TACC2: variants seen among roughly 807,000 people sequenced by gnomAD.
TACC2 encodes the protein transforming acidic coiled-coil-containing protein 2.
A neutral mutation model predicts 227.3 loss-of-function variants in TACC2; 137 were observed. That is an observed-to-expected ratio of 0.60 (90% CI 0.52 to 0.69). The LOEUF is 0.69. Ranked by LOEUF, TACC2 falls within the 30% of genes least tolerant of loss-of-function variation. The pLI, the probability that TACC2 is intolerant of heterozygous loss-of-function variation, is 0.00. For synonymous variants in TACC2, 1,523 were observed against 1,487.5 expected (o/e 1.02, Z -0.55); for missense variants, 3,470 against 3,694.4 (o/e 0.94, Z 1.57).
chr10:122,252,022 C>T (rs1320755021), intron 22 of TACC2, among the ~76,000 whole-genome samples: 7 of 152,192 alleles, frequency 4.6e-5, no homozygotes, highest in South Asian at 2.1e-4. Context: ...GCCCAATCAG[C>T]GCTCTGTAAA....
Position 122,022,028 on chromosome 10 carries a change from A to T in TACC2, c.33+14A>T. 6.2e-7 allele frequency: 1 copy of T among 1,614,086 alleles called. No homozygotes were observed. Among genetic ancestry groups the T allele is most frequent in the Non-Finnish European group, 8.5e-7 (1 of 1,179,968 alleles). Reference sequence around the variant, plus strand: ...TCGGACAACCAGGTGGGTGTCAGGAAGCTTCTCTCTCGAGCTACGTGGTGC... The same window carrying T: ...TCGGACAACCAGGTGGGTGTCAGGATGCTTCTCTCTCGAGCTACGTGGTGC... On this transcript the variant is annotated intron_variant, in intron 2 of 22. Transcript: ENST00000369005.
chr10:122,249,413 C>T, intron 21 of TACC2, 131 bp from the exon 22 acceptor site: 2 of 1,315,696 alleles, frequency 1.5e-6, no homozygotes, highest in East Asian at 2.4e-5. Flanking sequence ...CTCATGGGCT[C>T]CTGTGCTCCA....
rs1241838025 is a variant in TACC2 at position 122,087,300 on chromosome 10, C to T, written c.4800C>T (p.His1600=). 3 of 1,613,824 alleles carry T rather than the reference C, an allele frequency of 1.9e-6. No individual in the cohort carries two copies. Among genetic ancestry groups the T allele is most frequent in the South Asian group, 2.2e-5 (2 of 91,084 alleles). The part of the protein sequence containing the change: ...AQDRIPSGKQ[H]QETSACDSPH... ...ACAGAATTCCTTCTGGAAAGCAGCACCAGGAAACATCTGCCTGCGACAGTC... is the reference window on the plus strand; with the variant it reads ...ACAGAATTCCTTCTGGAAAGCAGCATCAGGAAACATCTGCCTGCGACAGTC... Residue 1600 remains histidine, a synonymous_variant, in exon 4 of 23, where the codon CAC becomes CAT. Coordinates refer to ENST00000369005, the MANE Select transcript of TACC2 (RefSeq NM_206862.4).
In TACC2 at chr10:122,211,145, G is replaced by A. The variant is rs776030064; in HGVS notation, c.6720G>A (p.Pro2240=). 1.6e-5 allele frequency: 26 copies of A among 1,609,374 alleles called. No homozygotes were observed. Among genetic ancestry groups the A allele is most frequent in the South Asian group, 7.8e-5 (7 of 90,298 alleles). Residue 2240 remains proline, a synonymous_variant, in exon 9 of 23, where the codon CCG becomes CCA. Transcript: ENST00000369005. ...AAACGCTGCCTCTTACCACGGCCCCGGAGGCAGGGGAGGTAACCCCATCGG... is the reference window on the plus strand; with the variant it reads ...AAACGCTGCCTCTTACCACGGCCCCAGAGGCAGGGGAGGTAACCCCATCGG... The part of the protein sequence containing the change: ...GRKTLPLTTA[P]EAGEVTPSDS...
intron 7 of TACC2, among the ~76,000 whole-genome samples, chr10:122,148,164 C>T (rs529598068): frequency 5.6e-5 from 8 of 143,058 alleles, no homozygotes; most frequent in South Asian, 2.2e-4. Context: ...AGTGCAATGG[C>T]GTGATCTCTT....
intron 19 of TACC2, among the ~76,000 whole-genome samples, chr10:122,244,388 C>T (rs896820473): frequency 1.3e-5 from 2 of 152,176 alleles, no homozygotes; most frequent in Non-Finnish European, 2.9e-5. Context: ...ACCCATTGAC[C>T]GTCCTCTGTC....
chr10:122,173,970 T>TGAGCC (rs1252462824), intron 7 of TACC2, among the ~76,000 whole-genome samples: 2 of 152,308 alleles, frequency 1.3e-5, no homozygotes, highest in East Asian at 1.9e-4. Context: ...TGGGCTGGGC[T>TGAGCC]GAGCCAAGCC....
chr10:122,092,286 G>T (rs1238217434), intron 5 of TACC2, among the ~76,000 whole-genome samples: 2 of 152,172 alleles, frequency 1.3e-5, no homozygotes, highest in African/African-American at 4.8e-5. Context: ...TCTGCTACAA[G>T]TTAAAAATTT....
At chr10:122,232,424 G>A (rs1459871787) in intron 16 of TACC2, among the ~76,000 whole-genome samples, 1 of 152,164 alleles carries the variant, frequency 6.6e-6, no homozygotes, top group Admixed American at 6.5e-5. Context: ...GCAAATAATG[G>A]CCAGGAGTTG....
At chr10:122,157,938 T>A (rs546656551) in intron 7 of TACC2, among the ~76,000 whole-genome samples, 3 of 152,322 alleles carry the variant, frequency 2.0e-5, no homozygotes, top group African/African-American at 7.2e-5. Flanking sequence ...ACTGATTTTT[T>A]TTTTCATATG....
At chr10:122,075,385 G>A (rs932469353) in intron 3 of TACC2, among the ~76,000 whole-genome samples, 4 of 152,142 alleles carry the variant, frequency 2.6e-5, no homozygotes, top group East Asian at 3.9e-4. Context: ...AAATAGCTGC[G>A]AGAGGAGAAG....
At chr10:122,121,345 C>A (rs2085751412) in intron 5 of TACC2, among the ~76,000 whole-genome samples, 1 of 152,226 alleles carries the variant, frequency 6.6e-6, no homozygotes, top group Non-Finnish European at 1.5e-5. Context: ...TCTCCACTCC[C>A]TCTCCAGGAA....
Position 122,087,011 on chromosome 10 carries a change from C to T in TACC2, c.4511C>T (p.Thr1504Ile), listed in dbSNP as rs746859836. ...AAGCTTCTGGGTCCAGCAGGGCTGA[C>T]CTGGGAGCGGAACTTGCCAGGTGCC... ...SDKLLGPAGL[T>I]WERNLPGAGV... is the part of the protein sequence containing the mutation. The change falls in exon 4 of 23, where the codon ACC becomes ATC. Residue 1504 changes from threonine (T) to isoleucine (I), a missense_variant. Transcript: ENST00000369005. 2 of 1,613,922 alleles carry T rather than the reference C, an allele frequency of 1.2e-6. No homozygotes were observed. The highest frequency in any genetic ancestry group is 1.7e-5 in the Admixed American group (1 of 60,018).
At chr10:122,045,341 C>T (rs184698424) in intron 2 of TACC2, among the ~76,000 whole-genome samples, 9 of 152,280 alleles carry the variant, frequency 5.9e-5, no homozygotes, top group East Asian at 1.9e-4. Flanking sequence ...GGCGAAGCAG[C>T]GTAAGGCAGG....
chr10:122,046,361 C>A (rs2075000420), intron 2 of TACC2, among the ~76,000 whole-genome samples: 1 of 151,966 alleles, frequency 6.6e-6, no homozygotes, highest in Non-Finnish European at 1.5e-5. Flanking sequence ...GTAGTCCCAG[C>A]TGCTCGGGAG....
intron 3 of TACC2, among the ~76,000 whole-genome samples, chr10:122,070,544 G>T (rs1004846575): frequency 6.6e-6 from 1 of 151,864 alleles, no homozygotes; most frequent in Non-Finnish European, 1.5e-5. Flanking sequence ...ACCTGAGGTC[G>T]GGAGTTGGAG....
chr10:122,248,923 T>C (rs2096190606), intron 20 of TACC2, 120 bp downstream of exon 20: 4 of 1,505,492 alleles, frequency 2.7e-6, no homozygotes, highest in Admixed American at 3.6e-5. Flanking sequence ...AGGGGGTCCA[T>C]GCAGGCTGGG....
rs1393560870 is a variant in TACC2, at chr10:122,143,622, A to G, written c.5750A>G (p.His1917Arg). 1 of 1,614,082 alleles carries G rather than the reference A, an allele frequency of 6.2e-7. No individual in the cohort carries two copies. The highest frequency in any genetic ancestry group is 2.2e-5 in the East Asian group (1 of 44,880). Residue 1917 changes from histidine to arginine, a missense_variant, in exon 7 of 23, where the codon CAC (histidine) becomes CGC (arginine). Physicochemically the swap from His to Arg is conservative, Grantham distance 29. This residue lies in a region of TACC2 where 1,924 missense variants were observed against 1,978.3 expected (regional missense o/e 0.97). Coordinates refer to ENST00000369005, the MANE Select transcript of TACC2 (RefSeq NM_206862.4). Reference protein sequence around the residue: ...HAGLPPSAAEHIVSPSAPAGD... With the variant: ...HAGLPPSAAERIVSPSAPAGD... ...GGTCTTCCTCCCTCGGCTGCAGAACACATAGTTTCGCCATCTGCCCCAGCT... is the reference window on the plus strand; with the variant it reads ...GGTCTTCCTCCCTCGGCTGCAGAACGCATAGTTTCGCCATCTGCCCCAGCT...
At chr10:122,113,705 G>A (rs1446805291) in intron 5 of TACC2, among the ~76,000 whole-genome samples, 1 of 152,264 alleles carries the variant, frequency 6.6e-6, no homozygotes, top group African/African-American at 2.4e-5. Flanking sequence ...GACGGCGCGT[G>A]GACTAGCCAT....
Sources: allele counts gnomAD v4.1 joint callset (sites outside exome capture counted in the v4.1 genomes callset), GRCh38; gene constraint gnomAD v4.1.1; regional missense constraint gnomAD v4.1.1; transcripts MANE v1.5; gene names NCBI Gene and HGNC (gene_info 2026-07-23, HGNC 2026-07-21).